CACNA1C: variants seen among roughly 807,000 people sequenced by gnomAD.
The protein encoded by CACNA1C is calcium voltage-gated channel subunit alpha1 C.
In CACNA1C, 30 loss-of-function variants were observed where a neutral mutation model predicts 229.0. That is an observed-to-expected ratio of 0.13 (90% CI 0.10 to 0.18). CACNA1C has a LOEUF of 0.18. CACNA1C is among the 10% of genes least tolerant of loss of function. CACNA1C has a pLI of 1.00. For missense variants in CACNA1C, 1,658 were observed against 2,845.0 expected (o/e 0.58, Z 9.49); for synonymous variants, 1,114 against 1,132.5 (o/e 0.98, Z 0.33).
At chr12:2,345,367 G>A (rs58989633) in intron 3 of CACNA1C, among the ~76,000 whole-genome samples, 2,128 of 152,166 alleles carry the variant, frequency 0.014, 59 homozygotes, top group African/African-American at 0.049. Flanking sequence ...GCCCTGGAAG[G>A]AGGGCCACAA....
In CACNA1C at chr12:2,321,220, T is replaced by TG. The variant is rs142435618; in HGVS notation, c.478-127749dup. On this transcript the variant is annotated intron_variant, in intron 3 of 46. Coordinates refer to ENST00000399655, the MANE Select transcript of CACNA1C (RefSeq NM_000719.7). ...TTTTTCTGGCTTCCAAGGTGGTCGT[T>TG]GGGGGGGTGGGGGAAGAGCAGGTGC... Among the ~76,000 whole-genome samples the TG allele has an allele frequency of 1.1e-3, 159 of 147,572 alleles. 1 individual carries two copies. The highest frequency in any genetic ancestry group is 3.5e-3 in the African/African-American group (140 of 40,334).
At chr12:2,573,665 C>A (rs2057278505) in intron 13 of CACNA1C, among the ~76,000 whole-genome samples, 1 of 152,186 alleles carries the variant, frequency 6.6e-6, no homozygotes, top group African/African-American at 2.4e-5. Flanking sequence ...GTTCTTCACC[C>A]TGAGGTCATG....
chr12:2,134,261 A>G (rs1335590240), intron 3 of CACNA1C, among the ~76,000 whole-genome samples: 21 of 45,640 alleles, frequency 4.6e-4, no homozygotes, highest in East Asian at 4.5e-3. Flanking sequence ...TCTTTATCCA[A>G]TTTGCCAGTC....
intron 3 of CACNA1C, among the ~76,000 whole-genome samples, chr12:2,308,620 G>A (rs574306293): frequency 5.9e-5 from 9 of 152,272 alleles, no homozygotes; most frequent in Admixed American, 5.9e-4. Context: ...GAAGTGTGAT[G>A]CCTCCAGCTT....
chr12:2,531,240 C>T (rs1465139770), intron 9 of CACNA1C, among the ~76,000 whole-genome samples: 2 of 152,194 alleles, frequency 1.3e-5, no homozygotes, highest in Non-Finnish European at 2.9e-5. Context: ...CCATCTGACT[C>T]GAAAGCCTTC....
chr12:2,367,131 A>T (rs996441385), intron 3 of CACNA1C, among the ~76,000 whole-genome samples: 1 of 152,158 alleles, frequency 6.6e-6, no homozygotes, highest in African/African-American at 2.4e-5. Flanking sequence ...GACTGAAGGG[A>T]TGGGGGCAGG....
chr12:2,633,450 G>A lies in CACNA1C; in HGVS notation c.3829-847G>A, dbSNP rs143343467. On this transcript the variant is annotated intron_variant, in intron 29 of 46. Transcript: ENST00000399655. This position sits in a 1 kb window ranked among gnomAD's most constrained non-coding sequence, Gnocchi z 5.8. ...ATGCGGGCAGTAGGGTTAGAGTGTC[G>A]CCTCCCTGCTGCTCCTTCCTTGCTG... is the stretch of plus-strand genomic sequence containing the variant. 6.8e-4 allele frequency among the ~76,000 whole-genome samples: 103 copies of A among 152,270 alleles called. No homozygotes were observed. The East Asian group carries it at 0.011, about 16-fold the overall frequency.
At chr12:2,617,817 G>A (rs1161341530) in intron 29 of CACNA1C, among the ~76,000 whole-genome samples, 1 of 152,218 alleles carries the variant, frequency 6.6e-6, no homozygotes, top group Non-Finnish European at 1.5e-5. Context: ...TGGGCAGAGG[G>A]AAAGTTGGAA....
At chr12:2,041,270 CTTTTTTTTTT>C (rs58922699) in intron 1 of CACNA1C, among the ~76,000 whole-genome samples, 2 of 91,002 alleles carry the variant, frequency 2.2e-5, no homozygotes, top group Admixed American at 1.4e-4. Context: ...TAAGGGTATT[CTTTTTTTTTT>C]TTTTTTTTTT....
chr12:2,001,037 CAAAAA>C (rs55946150), intron 1 of CACNA1C, among the ~76,000 whole-genome samples: 2 of 124,338 alleles, frequency 1.6e-5, no homozygotes, highest in African/African-American at 2.9e-5. Flanking sequence ...GACTTCGTCT[CAAAAA>C]AAAAAAAAAA....
chr12:2,380,111 C>A (rs1217056107), intron 3 of CACNA1C, among the ~76,000 whole-genome samples: 2 of 152,032 alleles, frequency 1.3e-5, no homozygotes, highest in African/African-American at 4.8e-5. Flanking sequence ...ACGTGATGGT[C>A]AAGTCAGCTT....
Position 2,348,591 on chromosome 12 carries a change from GC to G in CACNA1C, c.478-100383del, listed in dbSNP as rs2097118335. Reference sequence around the variant, plus strand: ...GCACAAGAAGAGACACTATATTAAGGCCTGGTTATGTTTAGAAGCCGTCCAG... The same window carrying G: ...GCACAAGAAGAGACACTATATTAAGGCTGGTTATGTTTAGAAGCCGTCCAG... On this transcript the variant is annotated intron_variant, in intron 3 of 46. Transcript: ENST00000399655. The surrounding 1 kb of genome is among the most constrained non-coding windows in gnomAD (Gnocchi z 4.7). Among the ~76,000 whole-genome samples the G allele has an allele frequency of 6.6e-6, 1 of 152,196 alleles. No individual in the cohort carries two copies. Among genetic ancestry groups the G allele is most frequent in the South Asian group, 2.1e-4 (1 of 4,834 alleles).
At chr12:2,115,622 A>G (rs2083501355) in intron 2 of CACNA1C, 77 bp downstream of exon 2, 1 of 1,409,520 alleles carries the variant, frequency 7.1e-7, no homozygotes, top group Non-Finnish European at 9.9e-7. Flanking sequence ...TCCCTGGGCC[A>G]CGAGCTGTGT....
intron 37 of CACNA1C, among the ~76,000 whole-genome samples, chr12:2,667,792 T>C (rs924735629): frequency 6.6e-6 from 1 of 152,104 alleles, no homozygotes; most frequent in Non-Finnish European, 1.5e-5. Flanking sequence ...ATCTGGTCAC[T>C]CAGGAGAAGT....
intron 3 of CACNA1C, among the ~76,000 whole-genome samples, chr12:2,405,422 C>T (rs1412124783): frequency 1.3e-5 from 2 of 152,236 alleles, no homozygotes; most frequent in African/African-American, 4.8e-5. Flanking sequence ...ACCCTTCCTC[C>T]TCATCATCCC....
At chr12:2,185,960 C>A (rs188408893) in intron 3 of CACNA1C, among the ~76,000 whole-genome samples, 396 of 151,484 alleles carry the variant, frequency 2.6e-3, no homozygotes, top group Non-Finnish European at 4.5e-3. Context: ...ACACTTGTAG[C>A]CTGATTGATT....
chr12:2,180,262 C>G (rs147769527), intron 3 of CACNA1C, among the ~76,000 whole-genome samples: 1 of 152,148 alleles, frequency 6.6e-6, no homozygotes, highest in East Asian at 1.9e-4. Flanking sequence ...CCCTTTCTTT[C>G]TTCCCTGGTG....
chr12:2,063,048 C>T (rs945227849), intron 1 of CACNA1C, among the ~76,000 whole-genome samples: 4 of 152,192 alleles, frequency 2.6e-5, no homozygotes, highest in African/African-American at 7.2e-5. Context: ...ACCCTTTACC[C>T]ATTGGTAGTC....
intron 3 of CACNA1C, among the ~76,000 whole-genome samples, chr12:2,256,517 A>G (rs954034993): frequency 1.3e-5 from 2 of 152,198 alleles, no homozygotes; most frequent in African/African-American, 2.4e-5. Flanking sequence ...AAATAAATAT[A>G]AAAGCTATAA....
Sources: gnomAD v4.1 joint callset for allele counts (sites outside exome capture counted in the v4.1 genomes callset) on GRCh38, gnomAD v4.1.1 for gene constraint, Gnocchi (gnomAD v3.1) non-coding constraint, MANE v1.5 for transcripts, NCBI Gene and HGNC (gene_info 2026-07-23, HGNC 2026-07-21) for gene names.